The following C6orf118 variants were observed in gnomAD, a reference collection of about 807,000 sequenced individuals.
The protein encoded by C6orf118 is chromosome 6 open reading frame 118.
C6orf118 carries 50 observed loss-of-function variants against 50.2 expected under a neutral mutation model. That is an observed-to-expected ratio of 1.00 (90% confidence interval 0.79 to 1.26). C6orf118 has a LOEUF of 1.26. Among genes scored for constraint, C6orf118 ranks in the 50% most tolerant of loss-of-function variants. The probability of loss-of-function intolerance (pLI) is 0.00; values close to 1 mark genes in which losing one functional copy is unlikely to be tolerated. For synonymous variants in C6orf118, 239 were observed against 230.9 expected, an observed-to-expected ratio of 1.03 and a Z score of -0.32; for missense variants, 641 against 578.7, an observed-to-expected ratio of 1.11 and a Z score of -1.10.
intron 7 of C6orf118, 148 bp from the exon 8 acceptor site, chr6:165,281,841 C>A: frequency 2.3e-6 from 1 of 430,186 alleles, no homozygotes; most frequent in Non-Finnish European, 4.1e-6. Flanking sequence ...AGAAACAAAG[C>A]ATAAAATGAA....
At chr6:165,298,849 C>G (rs567344) in intron 4 of C6orf118, among the ~76,000 whole-genome samples, 50,533 of 152,118 alleles carry the variant, frequency 0.33, 8,788 homozygotes, top group South Asian at 0.4. Context: ...ATAAAAGAAG[C>G]AACTATCTTT....
At chr6:165,309,527 T>G in intron 1 of C6orf118, 35 bp downstream of exon 1, 1 of 1,613,668 alleles carries the variant, frequency 6.2e-7, no homozygotes, top group Middle Eastern at 1.6e-4. Flanking sequence ...CAAGCAAATC[T>G]CACAAGCCAG....
intron 1 of C6orf118, among the ~76,000 whole-genome samples, chr6:165,305,631 A>G (rs1327238306): frequency 1.1e-5 from 1 of 90,896 alleles, no homozygotes; most frequent in East Asian, 2.6e-4. Context: ...TTACAAGAAA[A>G]AAACAAACAA....
At chr6:165,300,508 C>A (rs1269281848) in intron 2 of C6orf118, 22 bp from the exon 3 acceptor site, 1 of 1,601,398 alleles carries the variant, frequency 6.2e-7, no homozygotes, top group Admixed American at 1.7e-5. Context: ...ACAGAGTCAG[C>A]CCATTTCAGG....
intron 1 of C6orf118, 91 bp from the exon 2 acceptor site, chr6:165,302,387 C>T: frequency 6.9e-7 from 1 of 1,452,140 alleles, no homozygotes; most frequent in Non-Finnish European, 9.3e-7. Context: ...TAGCCCCTGA[C>T]CAAAAGAGGG....
intron 7 of C6orf118, among the ~76,000 whole-genome samples, chr6:165,283,030 C>T (rs146259102): frequency 2.1e-4 from 32 of 152,196 alleles, no homozygotes; most frequent in South Asian, 1.0e-3. Context: ...ACAAAAACCG[C>T]GAAGAAAATC....
intron 7 of C6orf118, among the ~76,000 whole-genome samples, chr6:165,282,930 A>G (rs1779777550): frequency 6.6e-6 from 1 of 152,150 alleles, no homozygotes; most frequent in South Asian, 2.1e-4. Context: ...TAAATTTAGA[A>G]CCCATTACTG....
At chr6:165,283,050 G>T (rs1779782820) in intron 7 of C6orf118, among the ~76,000 whole-genome samples, 1 of 152,060 alleles carries the variant, frequency 6.6e-6, no homozygotes, top group African/African-American at 2.4e-5. Context: ...CTGCAGGGAG[G>T]GGCCAAGATG....
chr6:165,297,847 C>A, intron 5 of C6orf118, 130 bp downstream of exon 5: 1 of 1,328,856 alleles, frequency 7.5e-7, no homozygotes, highest in Non-Finnish European at 1.1e-6. Flanking sequence ...AGATGACAGG[C>A]ATGATATTAG....
At chr6:165,286,711 A>G (rs1401664979) in intron 7 of C6orf118, among the ~76,000 whole-genome samples, 1 of 152,192 alleles carries the variant, frequency 6.6e-6, no homozygotes, top group African/African-American at 2.4e-5. Flanking sequence ...AAGGCCTTCT[A>G]TAAAATTCAA....
chr6:165,286,060 G>A (rs1583002438), intron 7 of C6orf118, among the ~76,000 whole-genome samples: 1 of 147,672 alleles, frequency 6.8e-6, no homozygotes, highest in East Asian at 2.0e-4. Context: ...AAAGAGAGAA[G>A]AATCAAACAG....
chr6:165,307,665 C>T (rs1214759999), intron 1 of C6orf118, among the ~76,000 whole-genome samples: 1 of 152,192 alleles, frequency 6.6e-6, no homozygotes, highest in Admixed American at 6.5e-5. Flanking sequence ...TTCATATTCC[C>T]TCTGCGTTTC....
At chr6:165,307,585 G>A (rs1369583066) in intron 1 of C6orf118, among the ~76,000 whole-genome samples, 2 of 151,580 alleles carry the variant, frequency 1.3e-5, no homozygotes, top group African/African-American at 2.4e-5. Flanking sequence ...TTTAATCACT[G>A]TCCCATGTTG....
At chr6:165,300,782 C>T (rs1780499734) in intron 2 of C6orf118, among the ~76,000 whole-genome samples, 1 of 152,120 alleles carries the variant, frequency 6.6e-6, no homozygotes, top group Non-Finnish European at 1.5e-5. Flanking sequence ...GGCCCTTTCT[C>T]TCTTCCAACC....
chr6:165,292,759 A>G (rs1271908382), intron 6 of C6orf118, among the ~76,000 whole-genome samples: 2 of 152,204 alleles, frequency 1.3e-5, no homozygotes, highest in East Asian at 3.9e-4. Flanking sequence ...TCAGGCGACA[A>G]GAAACCTGTG....
intron 7 of C6orf118, among the ~76,000 whole-genome samples, chr6:165,282,548 G>A (rs987636194): frequency 2.6e-5 from 4 of 151,676 alleles, no homozygotes; most frequent in Non-Finnish European, 5.9e-5. Flanking sequence ...ATTAATAATA[G>A]CAGCTACCTG....
chr6:165,296,002 A>G (rs1314194616), intron 5 of C6orf118, among the ~76,000 whole-genome samples: 1 of 135,270 alleles, frequency 7.4e-6, no homozygotes, highest in East Asian at 2.2e-4. Context: ...TTTCTCACTT[A>G]TGTGGATTCT....
intron 6 of C6orf118, 107 bp downstream of exon 6, chr6:165,293,306 G>T: frequency 2.0e-6 from 2 of 977,344 alleles, no homozygotes; most frequent in Non-Finnish European, 1.7e-6. Context: ...CTCAGAGGGA[G>T]CATCAGCATC....
intron 5 of C6orf118, among the ~76,000 whole-genome samples, chr6:165,295,865 T>C (rs948972900): frequency 2.0e-5 from 3 of 152,028 alleles, no homozygotes; most frequent in Admixed American, 1.3e-4. Context: ...CATGTATTAT[T>C]ACCATTTCAA....
Sources: gnomAD v4.1 joint callset for allele counts (sites outside exome capture counted in the v4.1 genomes callset) on GRCh38, gnomAD v4.1.1 for gene constraint, MANE v1.5 for transcripts, NCBI Gene and HGNC (gene_info 2026-07-23, HGNC 2026-07-21) for gene names.